Variants in USP9X observed in about 807,000 individuals in gnomAD.
USP9X encodes the protein ubiquitin carboxyl-terminal hydrolase 9X.
In USP9X, 7 loss-of-function variants were observed where a neutral mutation model predicts 190.3. The ratio of observed to expected loss-of-function variants is 0.04; its 90% confidence interval spans 0.02 to 0.07. The LOEUF (loss-of-function observed/expected upper bound fraction) is 0.07. USP9X is among the 10% of genes least tolerant of loss of function. The pLI, the probability that USP9X is intolerant of heterozygous loss-of-function variation, is 1.00. For missense variants in USP9X, 1,010 were observed against 1,916.9 expected (o/e 0.53, Z 8.83); for synonymous variants, 645 against 659.5 (o/e 0.98, Z 0.34).
chrX:41,128,251 A>G (rs2062273949), intron 2 of USP9X, among the ~76,000 whole-genome samples: 1 of 112,241 alleles, frequency 8.9e-6, no homozygotes, highest in Admixed American at 9.5e-5. Context: ...GTGATGTATC[A>G]TATTTGTGGA....
chrX:41,210,312 C>T (rs933560366), intron 32 of USP9X, among the ~76,000 whole-genome samples, 197 bp from the exon 33 acceptor site: 1 of 112,124 alleles, frequency 8.9e-6, no homozygotes, highest in African/African-American at 3.2e-5. Context: ...ATGAGGCTCA[C>T]TCTCTTACCC....
chrX:41,209,623 A>G (rs1253495615), intron 32 of USP9X, among the ~76,000 whole-genome samples: 1 of 111,818 alleles, frequency 8.9e-6, no homozygotes, highest in Non-Finnish European at 1.9e-5. Context: ...GAGGAGTTGA[A>G]TATGGTTTGA....
At chrX:41,202,664 T>TA (rs978002156) in intron 31 of USP9X, among the ~76,000 whole-genome samples, 8 of 110,461 alleles carry the variant, frequency 7.2e-5, no homozygotes, top group East Asian at 2.8e-4. Context: ...TTTCACTTTA[T>TA]AAAAAAAAGC....
intron 14 of USP9X, among the ~76,000 whole-genome samples, chrX:41,159,482 G>A (rs2062608670): frequency 9.0e-6 from 1 of 111,288 alleles, no homozygotes; most frequent in South Asian, 3.7e-4. Context: ...ATTATGCTAA[G>A]TGGGAAAAAG....
intron 1 of USP9X, among the ~76,000 whole-genome samples, chrX:41,111,064 T>C (rs2062105058): frequency 9.0e-6 from 1 of 111,290 alleles, no homozygotes; most frequent in Admixed American, 9.5e-5. Context: ...CAATTTTAGT[T>C]TTGAGCACTG....
intron 6 of USP9X, among the ~76,000 whole-genome samples, chrX:41,138,637 C>T (rs34874340): frequency 0.025 from 2,856 of 112,270 alleles, 35 homozygotes; most frequent in Non-Finnish European, 0.039. Flanking sequence ...TGACCCATGA[C>T]AAAGCTAAAG....
intron 1 of USP9X, among the ~76,000 whole-genome samples, chrX:41,118,817 GT>G (rs1443703272): frequency 9.0e-6 from 1 of 111,713 alleles, no homozygotes; most frequent in Non-Finnish European, 1.9e-5. Flanking sequence ...CTCTCTAGTG[GT>G]TTTCACCTCA....
chrX:41,097,683 C>T lies in USP9X; in HGVS notation c.-159+11574C>T, dbSNP rs761198533. Reference sequence around the variant, plus strand: ...GCATTGTTTTACATGTTTTACAAATCTCCTATCTGGCTTAATAGAAGACAA... The same window carrying T: ...GCATTGTTTTACATGTTTTACAAATTTCCTATCTGGCTTAATAGAAGACAA... On this transcript the variant is annotated intron_variant, in intron 1 of 44. Transcript: ENST00000378308. 3.6e-5 allele frequency among the ~76,000 whole-genome samples: 4 copies of T among 112,228 alleles called. No individual in the cohort carries two copies. The South Asian group carries it at 1.5e-3, about 41-fold the overall frequency.
chrX:41,184,269 TATTA>T, intron 22 of USP9X, 124 bp from the exon 23 acceptor site: 1 of 998,043 alleles, frequency 1.0e-6, no homozygotes, highest in Non-Finnish European at 1.3e-6. Flanking sequence ...TGAAATGAAA[TATTA>T]ATTTGAAATA....
At chrX:41,175,691 T>C (rs1251995143) in intron 21 of USP9X, among the ~76,000 whole-genome samples, 1 of 110,942 alleles carries the variant, frequency 9.0e-6, no homozygotes, top group Non-Finnish European at 1.9e-5. Context: ...ATCGATGTAT[T>C]GTTGCTCCCT....
chrX:41,204,722 G>C (rs1008475608), intron 31 of USP9X, among the ~76,000 whole-genome samples: 5 of 111,610 alleles, frequency 4.5e-5, no homozygotes, highest in African/African-American at 1.6e-4. Context: ...TCTACAGTAT[G>C]TAGTACAGTA....
At chrX:41,107,890 A>G (rs1266636744) in intron 1 of USP9X, among the ~76,000 whole-genome samples, 1 of 111,594 alleles carries the variant, frequency 9.0e-6, no homozygotes, top group African/African-American at 3.3e-5. Context: ...AAATTGTCAT[A>G]TTTTACTTCT....
At chrX:41,111,374 G>T (rs185418565) in intron 1 of USP9X, among the ~76,000 whole-genome samples, 1 of 112,079 alleles carries the variant, frequency 8.9e-6, no homozygotes, top group East Asian at 2.8e-4. Context: ...GAACTGTTAA[G>T]TGTTACTTGA....
chrX:41,091,558 A>G (rs1417696462), intron 1 of USP9X, among the ~76,000 whole-genome samples: 1 of 112,637 alleles, frequency 8.9e-6, no homozygotes, highest in Non-Finnish European at 1.9e-5. Context: ...AGTGCCTGGC[A>G]TATAGACATT....
intron 36 of USP9X, 40 bp downstream of exon 36, chrX:41,217,383 T>C: frequency 8.6e-7 from 1 of 1,161,644 alleles, no homozygotes. Context: ...ATACTAATGT[T>C]TGGTTTGCTT....
intron 23 of USP9X, among the ~76,000 whole-genome samples, chrX:41,186,249 T>C (rs1020060875): frequency 1.8e-5 from 2 of 111,377 alleles, no homozygotes; most frequent in Non-Finnish European, 3.8e-5. Flanking sequence ...TGTATCATTA[T>C]CCCCTGCAAG....
At chrX:41,145,020 G>A (rs1325099230) in intron 11 of USP9X, among the ~76,000 whole-genome samples, 1 of 111,457 alleles carries the variant, frequency 9.0e-6, no homozygotes, top group Non-Finnish European at 1.9e-5. Flanking sequence ...AACTGATAAG[G>A]TAGCCCAAGA....
At chrX:41,220,050 G>A (rs777778349) in intron 38 of USP9X, among the ~76,000 whole-genome samples, 4 of 111,822 alleles carry the variant, frequency 3.6e-5, no homozygotes, top group Non-Finnish European at 7.5e-5. Context: ...CGTACCTGTC[G>A]TTTCAGGTTT....
At chrX:41,094,808 G>T (rs1207273242) in intron 1 of USP9X, among the ~76,000 whole-genome samples, 2 of 109,461 alleles carry the variant, frequency 1.8e-5, no homozygotes, top group Non-Finnish European at 3.8e-5. Context: ...GGAGGCTGAG[G>T]CGGGCAGATC....
Sources: gnomAD v4.1 joint callset for allele counts (sites outside exome capture counted in the v4.1 genomes callset) on GRCh38, gnomAD v4.1.1 for gene constraint, MANE v1.5 for transcripts, NCBI Gene and HGNC (gene_info 2026-07-23, HGNC 2026-07-21) for gene names.